The following PCSK9 variants were observed in gnomAD, a reference collection of about 807,000 sequenced individuals.
The protein encoded by PCSK9 is convertase subtilisin/kexin type 9 preproprotein.
A neutral mutation model predicts 62.1 loss-of-function variants in PCSK9; 57 were observed. The observed-to-expected ratio is 0.92, with a 90% CI of 0.74 to 1.14. The LOEUF (loss-of-function observed/expected upper bound fraction) is 1.14, where lower values mean the gene tolerates loss of function less well. Among genes scored for constraint, PCSK9 ranks in the 50% most tolerant of loss-of-function variants. The probability of loss-of-function intolerance (pLI) is 0.00; values close to 1 mark genes in which losing one functional copy is unlikely to be tolerated. For synonymous variants in PCSK9, 387 were observed against 409.4 expected, an observed-to-expected ratio of 0.95 and a Z score of 0.66; for missense variants, 870 against 959.8, an observed-to-expected ratio of 0.91 and a Z score of 1.24.
rs758110164 is a variant in PCSK9, at chr1:55,040,069, G to T, written c.207+25G>T. 6.5e-7 allele frequency: 1 copy of T among 1,548,422 alleles called. No homozygotes were observed. On this transcript the variant is annotated intron_variant, in intron 1 of 11. Coordinates refer to ENST00000302118, the MANE Select transcript of PCSK9 (RefSeq NM_174936.4). This position sits in a 1 kb window ranked among gnomAD's most constrained non-coding sequence, Gnocchi z 4.1. Reference sequence around the variant, plus strand: ...GGTGCGGGTGTAGGGATGGGAGGCCGGGGCGAACCCGCAGCCGGGACGGTG... The same window carrying T: ...GGTGCGGGTGTAGGGATGGGAGGCCTGGGCGAACCCGCAGCCGGGACGGTG...
At chr1:55,050,287 C>T (rs944816739) in intron 3 of PCSK9, among the ~76,000 whole-genome samples, 1 of 152,234 alleles carries the variant, frequency 6.6e-6, no homozygotes, top group African/African-American at 2.4e-5. Context: ...GCCCACCTTG[C>T]TGGCCTTGTC....
At chr1:55,042,783 G>A (rs1038526333) in intron 1 of PCSK9, among the ~76,000 whole-genome samples, 2 of 152,144 alleles carry the variant, frequency 1.3e-5, no homozygotes, top group Middle Eastern at 3.2e-3. Context: ...TAATTTGTTT[G>A]TCCCCTCCAA....
rs1644581353 is a variant in PCSK9 at position 55,039,569 on chromosome 1, G to A, written c.-269G>A. On this transcript the variant is annotated 5_prime_UTR_variant, in exon 1 of 12. Transcript: ENST00000302118. Reference sequence around the variant, plus strand: ...CCGCAGCGACGTCGAGGCGCTCATGGTTGCAGGCGGGCGCCGCCGTTCAGT... The same window carrying A: ...CCGCAGCGACGTCGAGGCGCTCATGATTGCAGGCGGGCGCCGCCGTTCAGT... 5.3e-6 allele frequency: 3 copies of A among 569,172 alleles called. No homozygotes were observed. The highest frequency in any genetic ancestry group is 1.9e-5 in the African/African-American group (1 of 52,716). The allele number at this position is 569,172 out of a possible 1,614,324, so 35.3% of individuals were successfully genotyped here.
Position 55,063,878 on chromosome 1 carries a change from C to G in PCSK9, c.*294C>G. The G allele has an allele frequency of 6.1e-6, 3 of 494,440 alleles. No individual in the cohort carries two copies. Among genetic ancestry groups the G allele is most frequent in the Non-Finnish European group, 1.1e-5 (3 of 275,166 alleles). 30.6% of individuals were successfully genotyped at this position (494,440 alleles called of 1,614,324 possible). The stretch of plus-strand genomic sequence containing the variant: ...CTGTGCTCGGGTGCTGCCAGCTGCT[C>G]CCAATGTGCCGATGTCCGTGGGCAG... On this transcript the variant is annotated 3_prime_UTR_variant, in exon 12 of 12. Coordinates refer to ENST00000302118, the MANE Select transcript of PCSK9 (RefSeq NM_174936.4).
rs1434572191 is a variant in PCSK9 at position 55,040,966 on chromosome 1, G to T, written c.207+922G>T. ...CTTGGCTGAGGTTCTGTGTCCCCCA[G>T]CTTGGAGTCAGATGTGGGGTTGAAT... On this transcript the variant is annotated intron_variant, in intron 1 of 11. Transcript: ENST00000302118. This position sits in a 1 kb window ranked among gnomAD's most constrained non-coding sequence, Gnocchi z 4.1. Among the ~76,000 whole-genome samples the T allele has an allele frequency of 6.6e-6, 1 of 152,208 alleles. No homozygotes were observed. Among genetic ancestry groups the T allele is most frequent in the Non-Finnish European group, 1.5e-5 (1 of 68,038 alleles).
intron 7 of PCSK9, 102 bp from the exon 8 acceptor site, chr1:55,057,934 G>A: frequency 6.7e-7 from 1 of 1,482,032 alleles, no homozygotes; most frequent in Non-Finnish European, 9.4e-7. Flanking sequence ...GTGTGCACGT[G>A]TGTTTGTGTG....
intron 5 of PCSK9, among the ~76,000 whole-genome samples, chr1:55,055,556 A>T (rs888287888): frequency 6.6e-6 from 1 of 152,238 alleles, no homozygotes; most frequent in African/African-American, 2.4e-5. Flanking sequence ...GCAGAGAAGC[A>T]GAACCAGTAG....
At chr1:55,043,207 CTT>C (rs1175780509) in intron 1 of PCSK9, among the ~76,000 whole-genome samples, 1 of 152,242 alleles carries the variant, frequency 6.6e-6, no homozygotes, top group Admixed American at 6.5e-5. Context: ...GTGGCCTTGA[CTT>C]TTCTCTCTCT....
intron 4 of PCSK9, 78 bp downstream of exon 4, chr1:55,052,489 G>A (rs904635493): frequency 1.2e-6 from 2 of 1,607,588 alleles, no homozygotes; most frequent in Non-Finnish European, 8.5e-7. Flanking sequence ...TGCCACCCCA[G>A]AGCGTTGCAG....
In PCSK9 at chr1:55,059,492, G is replaced by C. The variant is rs374455190; in HGVS notation, c.1510G>C (p.Gly504Arg). The change falls in exon 10 of 12, where the codon GGG becomes CGG. Residue 504 changes from glycine to arginine, a missense_variant. Physicochemically the swap from Gly to Arg is moderately radical, Grantham distance 125. Transcript: ENST00000302118. Reference protein sequence around the residue: ...KRRGERMEAQGGKLVCRAHNA... With the variant: ...KRRGERMEAQRGKLVCRAHNA... Reference sequence around the variant, plus strand: ...TTCCGTCTTTGACTCTAAGGCCCAAGGGGGCAAGCTGGTCTGCCGGGCCCA... The same window carrying C: ...TTCCGTCTTTGACTCTAAGGCCCAACGGGGCAAGCTGGTCTGCCGGGCCCA... 1 of 1,564,068 alleles carries C rather than the reference G, an allele frequency of 6.4e-7. No individual in the cohort carries two copies.
intron 10 of PCSK9, among the ~76,000 whole-genome samples, chr1:55,060,730 A>G (rs951464822): frequency 2.6e-5 from 4 of 152,204 alleles, no homozygotes; most frequent in African/African-American, 9.7e-5. Context: ...CAGGCTGGAC[A>G]TGCTGAGTGG....
At chr1:55,061,265 G>A (rs1219418925) in intron 10 of PCSK9, 110 bp from the exon 11 acceptor site, 17 of 1,243,764 alleles carry the variant, frequency 1.4e-5, no homozygotes, top group Non-Finnish European at 1.9e-5. Flanking sequence ...TTGTTTCTAG[G>A]TTTCCTAGCT....
Position 55,052,772 on chromosome 1 carries a change from G to C in PCSK9, c.780G>C (p.Thr260=). The change falls in exon 5 of 12, where the codon ACG becomes ACC. Residue 260 remains threonine, a synonymous_variant. Coordinates refer to ENST00000302118, the MANE Select transcript of PCSK9 (RefSeq NM_174936.4). ...LRVLNCQGKG[T]VSGTLIGLEF... ...TGCTCAACTGCCAAGGGAAGGGCAC[G>C]GTTAGCGGCACCCTCATAGGTAAGT... 6.2e-7 allele frequency: 1 copy of C among 1,613,140 alleles called. No individual in the cohort carries two copies. Among genetic ancestry groups the C allele is most frequent in the Non-Finnish European group, 8.5e-7 (1 of 1,179,978 alleles).
Position 55,046,617 on chromosome 1 carries a change from G to C in PCSK9, c.494G>C (p.Arg165Pro). 3 of 1,614,030 alleles carry C rather than the reference G, an allele frequency of 1.9e-6. No individual in the cohort carries two copies. The highest frequency in any genetic ancestry group is 2.5e-6 in the Non-Finnish European group (3 of 1,180,008). Residue 165 changes from arginine (R) to proline (P), a missense_variant, in exon 3 of 12, where the codon CGG (arginine) becomes CCG (proline). Coordinates refer to ENST00000302118, the MANE Select transcript of PCSK9 (RefSeq NM_174936.4). Reference protein sequence around the residue: ...PWNLERITPPRYRADEYQPPD... With the variant: ...PWNLERITPPPYRADEYQPPD... The stretch of plus-strand genomic sequence containing the variant: ...AACCTGGAGCGGATTACCCCTCCAC[G>C]GTACCGGGCGGATGAATACCAGCCC...
chr1:55,047,622 G>C (rs1644643448), intron 3 of PCSK9, among the ~76,000 whole-genome samples: 1 of 152,236 alleles, frequency 6.6e-6, no homozygotes, highest in Non-Finnish European at 1.5e-5. Context: ...GGGGGCTACT[G>C]TGTGACTTTG....
intron 11 of PCSK9, among the ~76,000 whole-genome samples, chr1:55,062,970 G>C (rs1644773315): frequency 6.6e-6 from 1 of 152,110 alleles, no homozygotes; most frequent in Non-Finnish European, 1.5e-5. Flanking sequence ...GGAGCCTGCA[G>C]GCCTGGTGGG....
At chr1:55,055,214 G>A (rs553682442) in intron 5 of PCSK9, among the ~76,000 whole-genome samples, 1 of 152,130 alleles carries the variant, frequency 6.6e-6, no homozygotes, top group African/African-American at 2.4e-5. Flanking sequence ...CACAGAGGGC[G>A]GGGCCACACA....
chr1:55,051,536 C>T, intron 3 of PCSK9: 2 of 308,398 alleles, frequency 6.5e-6, no homozygotes, highest in South Asian at 5.3e-5. Flanking sequence ...TGAGCTCTCC[C>T]TACTTTCTCC....
rs140072072 is a variant in PCSK9 at position 55,058,066 on chromosome 1, C to T, written c.1211C>T (p.Pro404Leu). The T allele has an allele frequency of 1.6e-5, 26 of 1,613,832 alleles. No individual in the cohort carries two copies. Among genetic ancestry groups the T allele is most frequent in the South Asian group, 1.2e-4 (11 of 91,090 alleles). ...GIAAMMLSAE[P>L]ELTLAELRQR... ...GCAGCCATGATGCTGTCTGCCGAGC[C>T]GGAGCTCACCCTGGCCGAGTTGAGG... The change falls in exon 8 of 12, where the codon CCG becomes CTG. Residue 404 changes from proline to leucine, a missense_variant. Transcript: ENST00000302118.
Sources: allele counts gnomAD v4.1 joint callset (sites outside exome capture counted in the v4.1 genomes callset), GRCh38; gene constraint gnomAD v4.1.1; non-coding constraint Gnocchi (gnomAD v3.1); transcripts MANE v1.5; gene names NCBI Gene and HGNC (gene_info 2026-07-23, HGNC 2026-07-21).